CYTH3: variants seen among roughly 807,000 people sequenced by gnomAD.
CYTH3 encodes the protein cytohesin-3.
In CYTH3, 23 loss-of-function variants were observed where a neutral mutation model predicts 55.1. The observed-to-expected ratio is 0.42, with a 90% CI of 0.30 to 0.59. CYTH3 has a LOEUF of 0.59. Ranked by LOEUF, CYTH3 falls within the 20% of genes least tolerant of loss-of-function variation. CYTH3 has a pLI of 0.20. For missense variants in CYTH3, 413 were observed against 524.8 expected (o/e 0.79, Z 2.08); for synonymous variants, 249 against 194.9 (o/e 1.28, Z -2.31).
chr7:6,170,283 T>G lies in CYTH3; in HGVS notation c.823+252A>C, dbSNP rs1156534582. 10 of 510,942 alleles carry G rather than the reference T, an allele frequency of 2.0e-5. No homozygotes were observed. The East Asian group carries it at 3.3e-4, about 17-fold the overall frequency. 31.7% of individuals were successfully genotyped at this position (510,942 alleles called of 1,614,324 possible). A position where few individuals can be genotyped will look rare whatever the true frequency, so the allele number is the denominator to read the frequency against. ...GCCCTGGCTGGATCTGGATGCTAAC[T>G]CAGCAGTTTTCTGGGACGGGCCGTG... is the stretch of plus-strand genomic sequence containing the variant. On this transcript the variant is annotated intron_variant, in intron 9 of 12. Transcript: ENST00000350796. This position sits in a 1 kb window ranked among gnomAD's most constrained non-coding sequence, Gnocchi z 7.8.
chr7:6,215,569 G>A (rs561453891), intron 1 of CYTH3, among the ~76,000 whole-genome samples: 97 of 140,432 alleles, frequency 6.9e-4, no homozygotes, highest in African/African-American at 2.3e-3. Context: ...CAGCCTGGGC[G>A]ACAGAGCAAG....
intron 1 of CYTH3, among the ~76,000 whole-genome samples, chr7:6,251,825 A>G (rs535090122): frequency 6.6e-6 from 1 of 152,332 alleles, no homozygotes; most frequent in South Asian, 2.1e-4. Context: ...GAATCGCATG[A>G]GTTCTTCACA....
chr7:6,236,334 G>C (rs1042752737), intron 1 of CYTH3, among the ~76,000 whole-genome samples: 8 of 148,104 alleles, frequency 5.4e-5, no homozygotes, highest in Admixed American at 3.4e-4. Context: ...CTCCTGAGTA[G>C]CTGGGACTAC....
intron 1 of CYTH3, among the ~76,000 whole-genome samples, chr7:6,223,937 A>T (rs1292610550): frequency 6.6e-6 from 1 of 151,882 alleles, no homozygotes; most frequent in Non-Finnish European, 1.5e-5. Flanking sequence ...CAACTACAGC[A>T]GTCAAATCAT....
intron 1 of CYTH3, among the ~76,000 whole-genome samples, chr7:6,236,694 T>C (rs976352467): frequency 7.2e-5 from 11 of 152,156 alleles, no homozygotes; most frequent in Non-Finnish European, 1.0e-4. Flanking sequence ...CCTGAGTAAC[T>C]GGGATTACAG....
intron 1 of CYTH3, among the ~76,000 whole-genome samples, chr7:6,256,560 T>A (rs1188345909): frequency 6.6e-6 from 1 of 152,132 alleles, no homozygotes; most frequent in Non-Finnish European, 1.5e-5. Flanking sequence ...CAGGAAGACA[T>A]GCAAAGAGAG....
intron 4 of CYTH3, among the ~76,000 whole-genome samples, chr7:6,183,883 TCTC>T (rs1311302422): frequency 6.6e-6 from 1 of 151,502 alleles, no homozygotes; most frequent in Non-Finnish European, 1.5e-5. Flanking sequence ...GTGAGTAAGT[TCTC>T]CTTACTCCCC....
In CYTH3 at chr7:6,255,537, C is replaced by G. The variant is rs967093211; in HGVS notation, c.34+16937G>C. On this transcript the variant is annotated intron_variant, in intron 1 of 12. Transcript: ENST00000350796. ...CATGATGCATCCCAACAGAGTCGGC[C>G]GTGAAGAAGCTGGGCTGAGGACCAG... Among the ~76,000 whole-genome samples, 9 of 152,138 alleles carry G rather than the reference C, an allele frequency of 5.9e-5. No homozygotes were observed. The South Asian group carries it at 8.3e-4, about 14-fold the overall frequency.
At chr7:6,221,736 C>A (rs905238879) in intron 1 of CYTH3, among the ~76,000 whole-genome samples, 1 of 152,022 alleles carries the variant, frequency 6.6e-6, no homozygotes, top group Non-Finnish European at 1.5e-5. Context: ...TGGTGGCTCA[C>A]GCCTGTAACC....
chr7:6,244,125 T>C (rs189244238), intron 1 of CYTH3, among the ~76,000 whole-genome samples: 23 of 152,334 alleles, frequency 1.5e-4, no homozygotes, highest in Admixed American at 3.9e-4. Context: ...TTGCATCTTA[T>C]GTATCTGATG....
At chr7:6,258,287 T>C (rs1284681840) in intron 1 of CYTH3, among the ~76,000 whole-genome samples, 3 of 146,606 alleles carry the variant, frequency 2.0e-5, no homozygotes, top group African/African-American at 7.8e-5. Flanking sequence ...CACTCTGGCA[T>C]AGGAGACAGA....
chr7:6,193,188 T>C (rs946558193), intron 1 of CYTH3, among the ~76,000 whole-genome samples: 1 of 143,684 alleles, frequency 7.0e-6, no homozygotes, highest in African/African-American at 2.6e-5. Context: ...AAAAAGGAAA[T>C]TGGGCAAATG....
rs1583734083 is a variant in CYTH3 at position 6,170,678 on chromosome 7, A to T, written c.712-32T>A. On this transcript the variant is annotated intron_variant, in intron 8 of 12. Coordinates refer to ENST00000350796, the MANE Select transcript of CYTH3 (RefSeq NM_004227.4). This position sits in a 1 kb window ranked among gnomAD's most constrained non-coding sequence, Gnocchi z 7.8. ...GGAGGGAAAACAGCAGCCAGTTCAG[A>T]GACTCGGAGGAAAATGGCTGGCCGG... is the stretch of plus-strand genomic sequence containing the variant. 6.2e-7 allele frequency: 1 copy of T among 1,602,698 alleles called. No individual in the cohort carries two copies. The highest frequency in any genetic ancestry group is 8.5e-7 in the Non-Finnish European group (1 of 1,173,644).
rs368709212 is a variant in CYTH3 at position 6,185,532 on chromosome 7, T to TA, written c.249+1517dup. On this transcript the variant is annotated intron_variant, in intron 4 of 12. Transcript: ENST00000350796. ...TAACACAGTGAAACCCCGTCTCTAC[T>TA]AAAAAAAAATACAAAAAATTAGCCG... Among the ~76,000 whole-genome samples the TA allele has an allele frequency of 6.3e-3, 941 of 150,390 alleles. 9 individuals are homozygous for TA. The highest frequency in any genetic ancestry group is 0.022 in the African/African-American group (881 of 40,942).
At chr7:6,242,281 T>C (rs534561473) in intron 1 of CYTH3, among the ~76,000 whole-genome samples, 2 of 152,066 alleles carry the variant, frequency 1.3e-5, no homozygotes, top group African/African-American at 4.8e-5. Flanking sequence ...TTTCACCGCG[T>C]TGGCCAGGAT....
intron 1 of CYTH3, among the ~76,000 whole-genome samples, chr7:6,230,114 G>A (rs776735827): frequency 1.1e-4 from 16 of 152,064 alleles, no homozygotes; most frequent in South Asian, 4.1e-4. Context: ...CAGCCTGGGC[G>A]ACAGAGTGAG....
chr7:6,205,303 G>T (rs775141919), intron 1 of CYTH3, among the ~76,000 whole-genome samples: 3 of 152,216 alleles, frequency 2.0e-5, no homozygotes, highest in Non-Finnish European at 4.4e-5. Context: ...GCCAGGCACG[G>T]TGGCTCACAC....
intron 1 of CYTH3, among the ~76,000 whole-genome samples, chr7:6,266,900 T>C (rs1388592940): frequency 6.6e-6 from 1 of 152,232 alleles, no homozygotes; most frequent in Non-Finnish European, 1.5e-5. Flanking sequence ...TGTTAGGCAC[T>C]GATACAGTTT....
intron 1 of CYTH3, among the ~76,000 whole-genome samples, chr7:6,211,037 T>C (rs528690036): frequency 2.6e-4 from 39 of 152,344 alleles, no homozygotes; most frequent in African/African-American, 9.4e-4. Context: ...TCAAATCATG[T>C]CTCTTCCCTG....
Sources: gnomAD v4.1 joint callset for allele counts (sites outside exome capture counted in the v4.1 genomes callset) on GRCh38, gnomAD v4.1.1 for gene constraint, Gnocchi (gnomAD v3.1) non-coding constraint, MANE v1.5 for transcripts, NCBI Gene and HGNC (gene_info 2026-07-23, HGNC 2026-07-21) for gene names.